The following VIPAS39 variants were observed in gnomAD, a reference collection of about 807,000 sequenced individuals.
VIPAS39 encodes the protein VPS33B interacting protein, apical-basolateral polarity regulator, spe-39 homolog.
A neutral mutation model predicts 84.7 loss-of-function variants in VIPAS39; 63 were observed. That is an observed-to-expected ratio of 0.74 (90% CI 0.61 to 0.92). The LOEUF (loss-of-function observed/expected upper bound fraction) is 0.92, where lower values mean the gene tolerates loss of function less well. Ranked by LOEUF, VIPAS39 falls within the 40% of genes least tolerant of loss-of-function variation. The probability of loss-of-function intolerance (pLI) is 0.00; values close to 1 mark genes in which losing one functional copy is unlikely to be tolerated. For synonymous variants in VIPAS39, 192 were observed against 216.5 expected (o/e 0.89, Z 0.99); for missense variants, 499 against 604.5 (o/e 0.83, Z 1.83).
chr14:77,446,635 A>T (rs907445199), intron 7 of VIPAS39, among the ~76,000 whole-genome samples: 2 of 152,186 alleles, frequency 1.3e-5, no homozygotes, highest in African/African-American at 4.8e-5. Flanking sequence ...GAACAGCCAA[A>T]ACAATTTTGG....
At chr14:77,446,971 G>C (rs2078800114) in intron 7 of VIPAS39, among the ~76,000 whole-genome samples, 1 of 147,304 alleles carries the variant, frequency 6.8e-6, no homozygotes, top group Non-Finnish European at 1.5e-5. Context: ...CCTGCTATAA[G>C]ATTATAAGTT....
At chr14:77,446,533 C>G (rs563861667) in intron 7 of VIPAS39, among the ~76,000 whole-genome samples, 1 of 152,250 alleles carries the variant, frequency 6.6e-6, no homozygotes, top group Admixed American at 6.5e-5. Context: ...TTGATCTGTA[C>G]ATTCAAGGCA....
rs1261527934 is a variant in VIPAS39, at chr14:77,437,499, AAAG to A, written c.836+306_836+308del. On this transcript the variant is annotated intron_variant, in intron 12 of 19. Transcript: ENST00000557658. ...AAAAGGTACAGCTCATTTTAGTACC[AAAG>A]AAGAAGAGAAGAGTGAGGACAAAAT... is the stretch of plus-strand genomic sequence containing the variant. Among the ~76,000 whole-genome samples the A allele has an allele frequency of 3.3e-5, 5 of 152,368 alleles. No individual in the cohort carries two copies. The South Asian group carries it at 6.2e-4, about 19-fold the overall frequency.
intron 10 of VIPAS39, 40 bp from the exon 11 acceptor site, chr14:77,441,133 T>C (rs1350957021): frequency 1.2e-6 from 2 of 1,612,122 alleles, no homozygotes; most frequent in Admixed American, 1.7e-5. Context: ...TTGTATCTAT[T>C]GATGTGTGGC....
intron 7 of VIPAS39, among the ~76,000 whole-genome samples, chr14:77,444,905 C>A (rs1183622016): frequency 6.6e-6 from 1 of 150,826 alleles, no homozygotes; most frequent in Non-Finnish European, 1.5e-5. Context: ...TTTTTAAGAA[C>A]CCTTATTCAT....
intron 16 of VIPAS39, among the ~76,000 whole-genome samples, chr14:77,433,615 C>T (rs2078558736): frequency 6.6e-6 from 1 of 152,050 alleles, no homozygotes. Flanking sequence ...GCATACATGG[C>T]AAAATTGTTA....
intron 16 of VIPAS39, 22 bp from the exon 17 acceptor site, chr14:77,429,789 G>C (rs748523875): frequency 1.2e-6 from 2 of 1,606,306 alleles, no homozygotes; most frequent in Non-Finnish European, 1.7e-6. Flanking sequence ...AGATGGGGTA[G>C]CGGCAGGTAG....
chr14:77,449,502 C>A (rs1342804954), intron 5 of VIPAS39, 145 bp from the exon 6 acceptor site: 2 of 1,272,732 alleles, frequency 1.6e-6, no homozygotes, highest in African/African-American at 1.5e-5. Context: ...CCGTTCTTCC[C>A]CAAAGACAGC....
At chr14:77,457,398 G>T in intron 1 of VIPAS39, 97 bp downstream of exon 1, 1 of 1,535,544 alleles carries the variant, frequency 6.5e-7, no homozygotes, top group South Asian at 1.2e-5. Context: ...GTAGTCATAG[G>T]GTGTAGGGAT....
In VIPAS39 at chr14:77,449,755, A is replaced by G; in HGVS notation, c.344-3T>C. 1.2e-6 allele frequency: 2 copies of G among 1,614,164 alleles called. No homozygotes were observed. Among genetic ancestry groups the G allele is most frequent in the Non-Finnish European group, 1.7e-6 (2 of 1,180,022 alleles). On this transcript the variant is annotated splice_region_variant and splice_polypyrimidine_tract_variant and intron_variant, in intron 4 of 19. Coordinates refer to ENST00000557658, the MANE Select transcript of VIPAS39 (RefSeq NM_001193315.2). ...GAAACTTCCAGGTCTAGTTCTACCTAAAGGTAAAGAACACAAGAGGGAAAA... is the reference window on the plus strand; with the variant it reads ...GAAACTTCCAGGTCTAGTTCTACCTGAAGGTAAAGAACACAAGAGGGAAAA...
At chr14:77,457,056 A>T in intron 1 of VIPAS39, 1 of 1,372,648 alleles carries the variant, frequency 7.3e-7, no homozygotes, top group Admixed American at 3.2e-5. Context: ...GAAAACCACA[A>T]CATGCTCCCT....
At chr14:77,455,257 A>G (rs1459808146) in intron 1 of VIPAS39, among the ~76,000 whole-genome samples, 1 of 152,142 alleles carries the variant, frequency 6.6e-6, no homozygotes, top group African/African-American at 2.4e-5. Flanking sequence ...CTGAGGTGGG[A>G]GGATCACCTG....
rs750881413 is a variant in VIPAS39 at position 77,427,585 on chromosome 14, A to G, written c.*31T>C. The G allele has an allele frequency of 8.7e-6, 14 of 1,613,984 alleles. No individual in the cohort carries two copies. In the Admixed American group the frequency reaches 2.0e-4, roughly 23 times the overall value. On this transcript the variant is annotated 3_prime_UTR_variant, in exon 20 of 20. Transcript: ENST00000557658. ...GCTTTCACAGGCAGGAGAGGAGGAAATGAGGCAGGCTTCAAGGTAGTCAAT... is the reference window on the plus strand; with the variant it reads ...GCTTTCACAGGCAGGAGAGGAGGAAGTGAGGCAGGCTTCAAGGTAGTCAAT...
At chr14:77,437,270 AAAAC>A in intron 12 of VIPAS39, among the ~76,000 whole-genome samples, 1 of 152,334 alleles carries the variant, frequency 6.6e-6, no homozygotes, top group Middle Eastern at 3.4e-3. Flanking sequence ...AGGTTGTTCA[AAAAC>A]AAACTGAGCT....
chr14:77,433,490 C>T (rs1378044529), intron 16 of VIPAS39, among the ~76,000 whole-genome samples: 4 of 152,124 alleles, frequency 2.6e-5, no homozygotes, highest in Admixed American at 6.5e-5. Flanking sequence ...CGTGAGCCAC[C>T]GCGCCCAGCC....
At chr14:77,439,982 A>T (rs1202689032) in intron 11 of VIPAS39, among the ~76,000 whole-genome samples, 1 of 152,144 alleles carries the variant, frequency 6.6e-6, no homozygotes, top group Non-Finnish European at 1.5e-5. Context: ...TCCCAGACTT[A>T]AGCGATTCTC....
intron 14 of VIPAS39, 46 bp from the exon 15 acceptor site, chr14:77,434,349 A>G: frequency 6.4e-7 from 1 of 1,564,844 alleles, no homozygotes; most frequent in Non-Finnish European, 8.8e-7. Context: ...TGACTTTCCC[A>G]AGTACCACCC....
intron 3 of VIPAS39, 76 bp from the exon 4 acceptor site, chr14:77,451,409 A>G (rs1469976311): frequency 6.2e-7 from 1 of 1,611,312 alleles, no homozygotes; most frequent in Non-Finnish European, 8.5e-7. Context: ...AATAAACTCT[A>G]AAAGCTTTTC....
chr14:77,442,567 G>C lies in VIPAS39; in HGVS notation c.727C>G (p.Leu243Val). Residue 243 changes from leucine to valine, a missense_variant, in exon 10 of 20, where the codon CTC becomes GTC. Physicochemically the swap from Leu to Val is conservative, Grantham distance 32. Coordinates refer to ENST00000557658, the MANE Select transcript of VIPAS39 (RefSeq NM_001193315.2). Reference sequence around the variant, plus strand: ...CAGATGATCAGTTCTTACCTGAAGAGGTCTAAAAGCAACTTTTGATCCCCT... The same window carrying C: ...CAGATGATCAGTTCTTACCTGAAGACGTCTAAAAGCAACTTTTGATCCCCT... Reference protein sequence around the residue: ...EIGDQKLLLDLFRFLDRTEEL... With the variant: ...EIGDQKLLLDVFRFLDRTEEL... 1 of 1,613,886 alleles carries C rather than the reference G, an allele frequency of 6.2e-7. No individual in the cohort carries two copies. Among genetic ancestry groups the C allele is most frequent in the East Asian group, 2.2e-5 (1 of 44,884 alleles).
Sources: allele counts gnomAD v4.1 joint callset (sites outside exome capture counted in the v4.1 genomes callset), GRCh38; gene constraint gnomAD v4.1.1; transcripts MANE v1.5; gene names NCBI Gene and HGNC (gene_info 2026-07-23, HGNC 2026-07-21).